RSL24D1: variants seen among roughly 807,000 people sequenced by gnomAD.
The protein encoded by RSL24D1 is ribosomal L24 domain containing 1, also known as probable ribosome biogenesis protein RLP24.
A neutral mutation model predicts 26.2 loss-of-function variants in RSL24D1; 6 were observed. That is an observed-to-expected ratio of 0.23 (90% confidence interval 0.13 to 0.45). RSL24D1 has a LOEUF of 0.45. RSL24D1 is among the 20% of genes least tolerant of loss of function. RSL24D1 has a pLI of 0.99. For synonymous variants in RSL24D1, 61 were observed against 59.1 expected (o/e 1.03, Z -0.15); for missense variants, 176 against 202.6 (o/e 0.87, Z 0.80).
intron 5 of RSL24D1, 36 bp downstream of exon 5, chr15:55,183,279 G>C (rs776465237): frequency 2.6e-6 from 4 of 1,535,780 alleles, no homozygotes; most frequent in South Asian, 1.2e-5. Context: ...CAAATACACA[G>C]ACCACAAAAA....
intron 4 of RSL24D1, among the ~76,000 whole-genome samples, chr15:55,184,369 C>T (rs1894202078): frequency 6.6e-6 from 1 of 151,996 alleles, no homozygotes; most frequent in South Asian, 2.1e-4. Flanking sequence ...AGAATTATAA[C>T]CCAATGTATA....
rs111972963 is a variant in RSL24D1, at chr15:55,196,626, G to C, written c.81+184C>G. On this transcript the variant is annotated intron_variant, in intron 1 of 5. Coordinates refer to ENST00000260443, the MANE Select transcript of RSL24D1 (RefSeq NM_016304.3). ...TGGTGGCCAGCGCCGCTCGGAAGAC[G>C]GGCAAGGAGAAACCCCCGAAGCGGA... 29 of 615,490 alleles carry C rather than the reference G, an allele frequency of 4.7e-5. 1 individual carries two copies. The highest frequency in any genetic ancestry group is 3.3e-4 in the African/African-American group (18 of 54,130). 38.1% of individuals were successfully genotyped at this position (615,490 alleles called of 1,614,324 possible).
chr15:55,190,908 CTTAAAG>C (rs1894290025), intron 3 of RSL24D1, 61 bp downstream of exon 3: 6 of 1,023,238 alleles, frequency 5.9e-6, no homozygotes, highest in Admixed American at 4.5e-5. Flanking sequence ...CAAACTGACA[CTTAAAG>C]TTATAGTATT....
intron 2 of RSL24D1, among the ~76,000 whole-genome samples, chr15:55,192,081 T>C (rs893428329): frequency 1.3e-5 from 2 of 152,008 alleles, no homozygotes; most frequent in Admixed American, 1.3e-4. Flanking sequence ...AATAAAAAGG[T>C]GGGAAATGGG....
intron 1 of RSL24D1, among the ~76,000 whole-genome samples, chr15:55,195,045 A>G (rs1456391593): frequency 6.7e-6 from 1 of 150,068 alleles, no homozygotes; most frequent in Admixed American, 6.7e-5. Context: ...AAAAAAAAAA[A>G]GGCTAGATAA....
rs1566888371 is a variant in RSL24D1 at position 55,196,907 on chromosome 15, A to AC, written c.-18dup. Reference sequence around the variant, plus strand: ...GATACGCATGTTGAACCCGCGTGTAACCCCACCAAACAAACGCCAAGCTTG... The same window carrying AC: ...GATACGCATGTTGAACCCGCGTGTAACCCCCACCAAACAAACGCCAAGCTTG... On this transcript the variant is annotated 5_prime_UTR_variant, in exon 1 of 6. Coordinates refer to ENST00000260443, the MANE Select transcript of RSL24D1 (RefSeq NM_016304.3). The AC allele has an allele frequency of 1.2e-6, 2 of 1,612,352 alleles. No homozygotes were observed. The highest frequency in any genetic ancestry group is 3.3e-5 in the Admixed American group (2 of 60,012).
intron 4 of RSL24D1, among the ~76,000 whole-genome samples, chr15:55,184,130 T>C (rs1894199242): frequency 6.6e-6 from 1 of 152,218 alleles, no homozygotes; most frequent in African/African-American, 2.4e-5. Context: ...TGGCACGTGC[T>C]TCTTTTCCAT....
intron 3 of RSL24D1, among the ~76,000 whole-genome samples, chr15:55,188,553 G>A (rs913693540): frequency 7.2e-5 from 11 of 152,180 alleles, no homozygotes; most frequent in South Asian, 4.1e-4. Flanking sequence ...CGTGTGTGAC[G>A]TGTTCATCTT....
At chr15:55,190,410 A>G (rs1331892338) in intron 3 of RSL24D1, among the ~76,000 whole-genome samples, 1 of 148,750 alleles carries the variant, frequency 6.7e-6, no homozygotes, top group Non-Finnish European at 1.5e-5. Context: ...AAAACAAAAC[A>G]AAACAAAAAA....
chr15:55,185,380 G>A lies in RSL24D1; in HGVS notation c.314C>T (p.Ala105Val). 4 of 1,607,482 alleles carry A rather than the reference G, an allele frequency of 2.5e-6. No homozygotes were observed. The highest frequency in any genetic ancestry group is 3.4e-6 in the Non-Finnish European group (4 of 1,177,656). Residue 105 changes from alanine to valine, a missense_variant, in exon 4 of 6, where the codon GCT (alanine) becomes GTT (valine). Around this residue, in one of 3 missense-constraint regions of RSL24D1, gnomAD observed 89 missense variants for 135.1 expected, o/e 0.66. Coordinates refer to ENST00000260443, the MANE Select transcript of RSL24D1 (RefSeq NM_016304.3). ...TTCATACCTGTTCATTATAAATTTA[G>A]CTTGGCGCTTCTGTTTGATTTCTTC... ...RVEEIKQKRQ[A>V]KFIMNRLKKN...
Position 55,196,584 on chromosome 15 carries a change from GC to G in RSL24D1, c.81+225del, listed in dbSNP as rs1233974329. The G allele has an allele frequency of 9.6e-5, 57 of 592,490 alleles. 1 individual carries two copies. The East Asian group carries it at 1.5e-3, about 15-fold the overall frequency. 36.7% of individuals were successfully genotyped at this position (592,490 alleles called of 1,614,324 possible). A position where few individuals can be genotyped will look rare whatever the true frequency, so the allele number is the denominator to read the frequency against. On this transcript the variant is annotated intron_variant, in intron 1 of 5. Transcript: ENST00000260443. ...GCTCCTGAAGTTCCTCGCTGCCAAC[GC>G]CACCCAAGGGTGGCGTGGTGGCCAG...
At chr15:55,188,645 T>C (rs931926020) in intron 3 of RSL24D1, among the ~76,000 whole-genome samples, 3 of 152,228 alleles carry the variant, frequency 2.0e-5, no homozygotes, top group African/African-American at 7.2e-5. Flanking sequence ...CATTACAGTA[T>C]GTGAAGTCAT....
intron 2 of RSL24D1, among the ~76,000 whole-genome samples, chr15:55,191,673 T>A (rs1328837329): frequency 2.6e-5 from 4 of 152,224 alleles, no homozygotes; most frequent in African/African-American, 9.6e-5. Flanking sequence ...TAATGATCCT[T>A]TTAATCTTAA....
chr15:55,187,701 G>A (rs909506363), intron 3 of RSL24D1, among the ~76,000 whole-genome samples: 5 of 151,950 alleles, frequency 3.3e-5, no homozygotes, highest in Non-Finnish European at 5.9e-5. Context: ...CTATGGGCAC[G>A]CAAAGGCATA....
intron 3 of RSL24D1, among the ~76,000 whole-genome samples, chr15:55,187,852 C>G (rs1894240131): frequency 6.6e-6 from 1 of 151,562 alleles, no homozygotes; most frequent in African/African-American, 2.4e-5. Flanking sequence ...ACAATTAATC[C>G]ATGTAACCAA....
At chr15:55,190,905 A>T (rs1054899251) in intron 3 of RSL24D1, 70 bp downstream of exon 3, 1 of 960,188 alleles carries the variant, frequency 1.0e-6, no homozygotes, top group African/African-American at 1.7e-5. Context: ...CAACAAACTG[A>T]CACTTAAAGT....
intron 3 of RSL24D1, among the ~76,000 whole-genome samples, chr15:55,190,185 T>C (rs1221808189): frequency 2.0e-5 from 3 of 147,940 alleles, no homozygotes; most frequent in East Asian, 4.0e-4. Context: ...GAGGCAGTGA[T>C]TGCAGTGAGC....
At position 55,181,148 on chromosome 15, in the gene RSL24D1, A is replaced by G. The variant is rs1351094429; in HGVS notation, c.*1004T>C. 1 of 152,218 alleles carries G rather than the reference A, an allele frequency of 6.6e-6. No individual in the cohort carries two copies. Among genetic ancestry groups the G allele is most frequent in the Non-Finnish European group, 1.5e-5 (1 of 68,030 alleles). 9.4% of individuals were successfully genotyped at this position (152,218 alleles called of 1,614,324 possible). On this transcript the variant is annotated 3_prime_UTR_variant, in exon 6 of 6. Transcript: ENST00000260443. The stretch of plus-strand genomic sequence containing the variant: ...TTACTTAATGTATTTAACATACTTA[A>G]AACTGTAAACAATGTAAAAACACAA...
At chr15:55,188,247 C>G (rs913086855) in intron 3 of RSL24D1, among the ~76,000 whole-genome samples, 5 of 152,176 alleles carry the variant, frequency 3.3e-5, no homozygotes, top group African/African-American at 1.2e-4. Context: ...CTGAAAACAA[C>G]TTTTCTTAAT....
Sources: gnomAD v4.1 joint callset for allele counts (sites outside exome capture counted in the v4.1 genomes callset) on GRCh38, gnomAD v4.1.1 for gene constraint, gnomAD v4.1.1 regional missense constraint, MANE v1.5 for transcripts, NCBI Gene and HGNC (gene_info 2026-07-23, HGNC 2026-07-21) for gene names.